ENTREP1: variants seen among roughly 807,000 people sequenced by gnomAD.
ENTREP1 encodes the protein Friedreich ataxia region gene X123.
chr9:69,368,213 T>C, the ENTREP1 span, among the ~76,000 whole-genome samples: 2 of 152,110 alleles, frequency 1.3e-5, no homozygotes, highest in African/African-American at 2.4e-5. Flanking sequence ...TTGCTCTGGA[T>C]AGGACTTCTA....
At chr9:69,373,510 G>A in the ENTREP1 span, among the ~76,000 whole-genome samples, 1 of 151,956 alleles carries the variant, frequency 6.6e-6, no homozygotes, top group African/African-American at 2.4e-5. Context: ...GTACTTCCCT[G>A]CATCCTGTTT....
At chr9:69,325,341 G>C in the ENTREP1 span, 1 of 1,183,732 alleles carries the variant, frequency 8.4e-7, no homozygotes, top group Non-Finnish European at 1.0e-6. Flanking sequence ...CCGGGCTCCT[G>C]CTGCCCCGTG....
At chr9:69,384,352 T>G in the ENTREP1 span, among the ~76,000 whole-genome samples, 1,450 of 152,328 alleles carry the variant, frequency 9.5e-3, 19 homozygotes, top group African/African-American at 0.033. Flanking sequence ...ATATGTGAAC[T>G]GAAAAAAGAT....
the ENTREP1 span, chr9:69,371,325 C>T: frequency 1.5e-6 from 1 of 680,308 alleles, no homozygotes; most frequent in Non-Finnish European, 2.7e-6. Context: ...TCCCTCAGCA[C>T]AATTTTAAGA....
chr9:69,350,439 C>T, the ENTREP1 span, among the ~76,000 whole-genome samples: 2 of 152,154 alleles, frequency 1.3e-5, no homozygotes, highest in African/African-American at 4.8e-5. Context: ...GCTAGTTGTT[C>T]CACTTTCCCT....
chr9:69,377,739 C>A, the ENTREP1 span: 2 of 1,611,040 alleles, frequency 1.2e-6, no homozygotes, highest in Non-Finnish European at 1.7e-6. Context: ...CCCGGATGAA[C>A]CGCAGGTATC....
the ENTREP1 span, chr9:69,385,892 A>G: frequency 1.2e-6 from 2 of 1,607,448 alleles, no homozygotes; most frequent in Non-Finnish European, 1.7e-6. Flanking sequence ...GAGCCCTCCC[A>G]CCCTTGAGGA....
At chr9:69,349,827 A>G in the ENTREP1 span, among the ~76,000 whole-genome samples, 30 of 152,238 alleles carry the variant, frequency 2.0e-4, no homozygotes, top group African/African-American at 6.3e-4. Flanking sequence ...CTATTTTATA[A>G]TAAAGTATTA....
chr9:69,371,391 TAAAAAAA>T, the ENTREP1 span: 1 of 882,476 alleles, frequency 1.1e-6, no homozygotes, highest in South Asian at 1.3e-5. Context: ...GATCTTTTTT[TAAAAAAA>T]TGTTCTCTTG....
chr9:69,336,352 C>A, the ENTREP1 span: 2 of 776,344 alleles, frequency 2.6e-6, no homozygotes, highest in Non-Finnish European at 4.3e-6. Context: ...TGAAGAAATG[C>A]TTAAGCTTCC....
chr9:69,368,910 A>T, the ENTREP1 span, among the ~76,000 whole-genome samples: 46 of 152,028 alleles, frequency 3.0e-4, no homozygotes, highest in Middle Eastern at 3.2e-3. Context: ...AGGTATACAC[A>T]TGCCATGATG....
At chr9:69,340,655 G>GTGTGTGTGCGCA in the ENTREP1 span, among the ~76,000 whole-genome samples, 1 of 110,864 alleles carries the variant, frequency 9.0e-6, no homozygotes, top group Non-Finnish European at 1.9e-5. Context: ...GTGTGTGCAT[G>GTGTGTGTGCGCA]TGTGTGTGTG....
the ENTREP1 span, chr9:69,383,767 C>T: frequency 7.4e-6 from 12 of 1,614,132 alleles, no homozygotes; most frequent in Non-Finnish European, 1.0e-5. Flanking sequence ...CAGGTACTGT[C>T]TGTCCTGAAT....
At chr9:69,375,916 A>C in the ENTREP1 span, 1 of 1,563,316 alleles carries the variant, frequency 6.4e-7, no homozygotes, top group Non-Finnish European at 8.7e-7. Flanking sequence ...GGAGCCCCCA[A>C]AGAAGGCAAA....
the ENTREP1 span, among the ~76,000 whole-genome samples, chr9:69,372,675 G>T: frequency 2.6e-5 from 4 of 152,048 alleles, no homozygotes; most frequent in Non-Finnish European, 5.9e-5. Flanking sequence ...CTGAGATCCT[G>T]GTTTTAATTC....
chr9:69,370,290 C>T, the ENTREP1 span, among the ~76,000 whole-genome samples: 1 of 152,148 alleles, frequency 6.6e-6, no homozygotes, highest in African/African-American at 2.4e-5. Context: ...CTTTGAGTAG[C>T]AACTGCTAGT....
chr9:69,383,725 A>G, the ENTREP1 span: 2 of 1,613,996 alleles, frequency 1.2e-6, no homozygotes, highest in African/African-American at 1.3e-5. Flanking sequence ...CCGCCGCCAT[A>G]TGAAGCTGTG....
chr9:69,327,577 A>C, the ENTREP1 span, among the ~76,000 whole-genome samples: 1 of 152,032 alleles, frequency 6.6e-6, no homozygotes, highest in Non-Finnish European at 1.5e-5. Flanking sequence ...AGGTAAATGC[A>C]CTTAGATATC....
the ENTREP1 span, chr9:69,324,915 G>C: frequency 1.0e-6 from 1 of 985,146 alleles, no homozygotes; most frequent in Non-Finnish European, 1.2e-6. Context: ...CTGGCCGTGA[G>C]GTGCCTCCCA....
Sources: gnomAD v4.1 joint callset for allele counts (sites outside exome capture counted in the v4.1 genomes callset) on GRCh38, gnomAD v4.1.1 for gene constraint, MANE v1.5 for transcripts, NCBI Gene and HGNC (gene_info 2026-07-23, HGNC 2026-07-21) for gene names.